The following TAMM41 variants were observed in gnomAD, a reference collection of about 807,000 sequenced individuals.
TAMM41 encodes the protein TAM41 mitochondrial translocator assembly and maintenance homolog.
In TAMM41, 36 loss-of-function variants were observed where a neutral mutation model predicts 44.1. The ratio of observed to expected loss-of-function variants is 0.82; its 90% CI spans 0.63 to 1.08. The LOEUF (loss-of-function observed/expected upper bound fraction) is 1.08. Ranked by LOEUF, TAMM41 falls within the 50% of genes least tolerant of loss-of-function variation. The pLI is 0.00. For synonymous variants in TAMM41, 164 were observed against 153.1 expected (o/e 1.07, Z -0.53); for missense variants, 417 against 404.3 (o/e 1.03, Z -0.27).
the TAMM41 span, among the ~76,000 whole-genome samples, chr3:11,744,650 C>T: frequency 6.6e-6 from 1 of 150,678 alleles, no homozygotes; most frequent in South Asian, 2.2e-4. Flanking sequence ...AGCTGAGATC[C>T]TGCCACTGCA....
chr3:11,791,154 G>A (rs550670970), intron 7 of TAMM41, among the ~76,000 whole-genome samples: 2 of 152,284 alleles, frequency 1.3e-5, no homozygotes, highest in South Asian at 4.1e-4. Flanking sequence ...ATTCACCCAC[G>A]CCTCTGCCTG....
chr3:11,772,057 C>G, the TAMM41 span, among the ~76,000 whole-genome samples: 1 of 151,030 alleles, frequency 6.6e-6, no homozygotes, highest in Non-Finnish European at 1.5e-5. Context: ...TCTCCAGTGT[C>G]TGTTTTTCTT....
intron 3 of TAMM41, chr3:11,830,926 C>A (rs1220946757): frequency 2.0e-5 from 3 of 151,428 alleles, no homozygotes; most frequent in Non-Finnish European, 4.4e-5. Flanking sequence ...TTCTGAGATT[C>A]TTACTTTTAA....
Position 11,817,208 on chromosome 3 carries a change from T to G in TAMM41, c.692A>C (p.Gln231Pro), listed in dbSNP as rs1314634237. ...TACAGTTACCTCCAGCCAGCCTTGCTGGCTTTTATACACCACTTGAGGATT... is the reference window on the plus strand; with the variant it reads ...TACAGTTACCTCCAGCCAGCCTTGCGGGCTTTTATACACCACTTGAGGATT... ...QENPQVVYKS[Q>P]QGWLEIDKSP... The change falls in exon 5 of 8, where the codon CAG becomes CCG. Residue 231 changes from glutamine to proline, a missense_variant. Physicochemically the swap from Gln to Pro is moderately conservative, Grantham distance 76. Coordinates refer to ENST00000455809, the MANE Select transcript of TAMM41 (RefSeq NM_001284401.2). The G allele has an allele frequency of 1.2e-6, 2 of 1,611,324 alleles. No individual in the cohort carries two copies. Among genetic ancestry groups the G allele is most frequent in the African/African-American group, 2.7e-5 (2 of 74,918 alleles).
intron 7 of TAMM41, among the ~76,000 whole-genome samples, chr3:11,798,202 T>TA (rs1157009336): frequency 6.6e-6 from 1 of 152,214 alleles, no homozygotes; most frequent in Non-Finnish European, 1.5e-5. Flanking sequence ...TGCATATGTA[T>TA]ACTCATTGCA....
At chr3:11,726,800 CAAAAAAAAAA>C in the TAMM41 span, among the ~76,000 whole-genome samples, 1 of 93,096 alleles carries the variant, frequency 1.1e-5, no homozygotes, top group East Asian at 2.6e-4. Flanking sequence ...GACTCTGTCT[CAAAAAAAAAA>C]AAAAAAAAGA....
chr3:11,721,911 T>G, the TAMM41 span: 4 of 152,234 alleles, frequency 2.6e-5, no homozygotes, highest in African/African-American at 7.2e-5. Context: ...CTCTTCTGAC[T>G]TAAATCCAGT....
At chr3:11,786,138 G>A (rs1490566253), downstream of TAMM41, among the ~76,000 whole-genome samples, 1 of 152,078 alleles carries the variant, frequency 6.6e-6, no homozygotes, top group Non-Finnish European at 1.5e-5. Context: ...ATACAGGGCT[G>A]TTAGCAGCTT....
intron 4 of TAMM41, among the ~76,000 whole-genome samples, chr3:11,824,963 G>C (rs1445643517): frequency 6.6e-6 from 1 of 152,144 alleles, no homozygotes. Context: ...AGGCCCACTG[G>C]GGTGGGTGTG....
chr3:11,730,429 A>AG, the TAMM41 span, among the ~76,000 whole-genome samples: 1 of 147,894 alleles, frequency 6.8e-6, no homozygotes, highest in Non-Finnish European at 1.5e-5. Context: ...AAAAAAAAAA[A>AG]AAAAGAAAAA....
chr3:11,832,619 T>A (rs2079025535), intron 3 of TAMM41, among the ~76,000 whole-genome samples: 1 of 151,762 alleles, frequency 6.6e-6, no homozygotes, highest in Admixed American at 6.6e-5. Flanking sequence ...CCTGGAGGGG[T>A]TAAAGGGGTT....
At chr3:11,740,823 T>C in the TAMM41 span, among the ~76,000 whole-genome samples, 1,314 of 116,368 alleles carry the variant, frequency 0.011, 16 homozygotes, top group African/African-American at 0.044. Context: ...GTCTTGGCCT[T>C]CCAAAGTGCT....
At chr3:11,774,164 A>C in the TAMM41 span, among the ~76,000 whole-genome samples, 2 of 152,214 alleles carry the variant, frequency 1.3e-5, no homozygotes, top group South Asian at 2.1e-4. Context: ...TATAATTTCC[A>C]GGTGTTCTGC....
Position 11,810,258 on chromosome 3 carries a change from A to G in TAMM41, c.709-576T>C, listed in dbSNP as rs192357914. On this transcript the variant is annotated intron_variant, in intron 5 of 7. Coordinates refer to ENST00000455809, the MANE Select transcript of TAMM41 (RefSeq NM_001284401.2). The stretch of plus-strand genomic sequence containing the variant: ...CACAGTAGGTACTCAAAAAACAATA[A>G]GGAAATGAGTAACTGAATCAATACA... 5.7e-4 allele frequency among the ~76,000 whole-genome samples: 87 copies of G among 152,358 alleles called. 1 individual carries two copies. The highest frequency in any genetic ancestry group is 2.6e-4 in the Non-Finnish European group (18 of 68,042).
At chr3:11,749,005 C>T in the TAMM41 span, among the ~76,000 whole-genome samples, 8 of 150,982 alleles carry the variant, frequency 5.3e-5, no homozygotes, top group East Asian at 2.0e-4. Flanking sequence ...CTCTGCCTCC[C>T]GGGTTCAAGT....
At chr3:11,784,635 T>C in the TAMM41 span, among the ~76,000 whole-genome samples, 6 of 151,708 alleles carry the variant, frequency 4.0e-5, no homozygotes, top group Middle Eastern at 3.4e-3. Context: ...ATGAGGAGAG[T>C]GGGTGGTGGT....
the TAMM41 span, among the ~76,000 whole-genome samples, chr3:11,762,587 T>C: frequency 6.6e-6 from 1 of 152,256 alleles, no homozygotes; most frequent in Admixed American, 6.5e-5. Context: ...AGATTTATCA[T>C]AATTCTCTTG....
the TAMM41 span, among the ~76,000 whole-genome samples, chr3:11,724,060 GATTTTATTTT>G: frequency 7.3e-5 from 11 of 151,194 alleles, no homozygotes; most frequent in South Asian, 2.1e-4. Flanking sequence ...CATAGCAAAA[GATTTTATTTT>G]ATTTTATTTT....
the TAMM41 span, among the ~76,000 whole-genome samples, chr3:11,771,014 T>C: frequency 6.6e-6 from 1 of 151,900 alleles, no homozygotes; most frequent in African/African-American, 2.4e-5. Flanking sequence ...GGGCAGCTGG[T>C]CCACCCTTCT....
Sources: gnomAD v4.1 joint callset for allele counts (sites outside exome capture counted in the v4.1 genomes callset) on GRCh38, gnomAD v4.1.1 for gene constraint, MANE v1.5 for transcripts, NCBI Gene and HGNC (gene_info 2026-07-23, HGNC 2026-07-21) for gene names.